Variants in PRELID2 observed in about 807,000 individuals in gnomAD.
The protein encoded by PRELID2 is PRELI domain containing 2.
Under a neutral mutation model 28.4 loss-of-function variants are expected in PRELID2, and 25 were observed. The observed-to-expected ratio is 0.88, with a 90% confidence interval of 0.64 to 1.23. The LOEUF is 1.23. PRELID2 is among the 50% of genes most tolerant of loss of function. The pLI, the probability that PRELID2 is intolerant of heterozygous loss-of-function variation, is 0.00. For missense variants in PRELID2, 201 were observed against 214.4 expected (o/e 0.94, Z 0.39); for synonymous variants, 76 against 71.6 (o/e 1.06, Z -0.31).
At position 145,545,450 on chromosome 5, in the gene PRELID2, C is replaced by CAAA. The variant is rs113856480; in HGVS notation, n.71-72138_71-72136dup. Reference sequence around the variant, plus strand: ...CATGTATATATGATGGAGTAGAAGGCAAAAAAAAAAACCCTAATTTTCAAA... The same window carrying CAAA: ...CATGTATATATGATGGAGTAGAAGGCAAAAAAAAAAAAAACCCTAATTTTCAAA... On this transcript the variant is annotated intron_variant and non_coding_transcript_variant, in intron 1 of 2. Coordinates refer to the PRELID2 transcript ENST00000510259. Among the ~76,000 whole-genome samples the CAAA allele has an allele frequency of 7.4e-3, 1,092 of 146,860 alleles. 13 individuals carry two copies. The highest frequency in any genetic ancestry group is 0.025 in the African/African-American group (992 of 40,300).
chr5:145,685,674 C>T (rs1755024991), intron 1 of PRELID2, among the ~76,000 whole-genome samples: 1 of 149,764 alleles, frequency 6.7e-6, no homozygotes, highest in African/African-American at 2.5e-5. Flanking sequence ...CAGAGAGAGA[C>T]AGAGAGACCA....
chr5:145,275,470 A>G, the PRELID2 span, among the ~76,000 whole-genome samples: 2 of 152,196 alleles, frequency 1.3e-5, no homozygotes, highest in South Asian at 4.1e-4. Flanking sequence ...AGAAAAGGAC[A>G]CGAGTGACCC....
chr5:145,494,663 T>C (rs1474120963), intron 1 of PRELID2, among the ~76,000 whole-genome samples: 1 of 152,184 alleles, frequency 6.6e-6, no homozygotes, highest in Admixed American at 6.5e-5. Context: ...ACATTTTAAG[T>C]ATATATTCTT....
downstream of PRELID2, among the ~76,000 whole-genome samples, chr5:145,756,210 G>A (rs1026124088): frequency 6.6e-6 from 1 of 152,166 alleles, no homozygotes; most frequent in Non-Finnish European, 1.5e-5. Flanking sequence ...AAGGCAGGGA[G>A]CTAACATCGT....
At chr5:145,821,152 GGTGTGTGT>G (rs70998038) in intron 2 of PRELID2, among the ~76,000 whole-genome samples, 6 of 88,264 alleles carry the variant, frequency 6.8e-5, no homozygotes, top group Non-Finnish European at 1.0e-4. Flanking sequence ...AACTCTCCTG[GGTGTGTGT>G]GTGTGTGTGT....
the PRELID2 span, among the ~76,000 whole-genome samples, chr5:145,446,583 G>C: frequency 6.6e-6 from 1 of 152,142 alleles, no homozygotes; most frequent in African/African-American, 2.4e-5. Flanking sequence ...ATGGTTTTCA[G>C]ATATAGTTTG....
chr5:145,563,442 G>T (rs1203517919), intron 1 of PRELID2, among the ~76,000 whole-genome samples: 1 of 152,158 alleles, frequency 6.6e-6, no homozygotes, highest in Non-Finnish European at 1.5e-5. Context: ...AAGCCATTTT[G>T]AACCATGTTT....
intron 1 of PRELID2, among the ~76,000 whole-genome samples, chr5:145,549,189 C>T (rs1333522113): frequency 6.6e-6 from 1 of 152,188 alleles, no homozygotes; most frequent in Non-Finnish European, 1.5e-5. Flanking sequence ...ACTGCTGTTG[C>T]TCATTAGGTG....
chr5:145,237,962 C>G, the PRELID2 span, among the ~76,000 whole-genome samples: 2 of 152,062 alleles, frequency 1.3e-5, no homozygotes, highest in Admixed American at 1.3e-4. Context: ...CCCCAACCCT[C>G]CAATCCTACT....
intron 1 of PRELID2, among the ~76,000 whole-genome samples, chr5:145,560,860 G>A (rs2126692524): frequency 6.6e-6 from 1 of 152,278 alleles, no homozygotes; most frequent in African/African-American, 2.4e-5. Flanking sequence ...CAATCCATCT[G>A]GGAGGGACCT....
At position 145,709,081 on chromosome 5, in the gene PRELID2, A is replaced by G. The variant is rs570693800; in HGVS notation, n.70+55850T>C. Among the ~76,000 whole-genome samples, 5 of 152,328 alleles carry G rather than the reference A, an allele frequency of 3.3e-5. No homozygotes were observed. In the South Asian group the frequency reaches 1.0e-3, roughly 32 times the overall value. ...GCTGACAGCCCTAGACCTGACTGCA[A>G]GACCACCTTGAGCAAAACTAGCATA... is the stretch of plus-strand genomic sequence containing the variant. On this transcript the variant is annotated intron_variant and non_coding_transcript_variant, in intron 1 of 2. Transcript: ENST00000510259.
At chr5:145,651,854 C>A (rs1051178403) in intron 1 of PRELID2, among the ~76,000 whole-genome samples, 3 of 152,252 alleles carry the variant, frequency 2.0e-5, no homozygotes, top group African/African-American at 7.2e-5. Flanking sequence ...TGCCTCTCCC[C>A]ATCCAAAGGA....
chr5:145,682,511 G>A (rs774078263), intron 1 of PRELID2, among the ~76,000 whole-genome samples: 5 of 152,100 alleles, frequency 3.3e-5, no homozygotes, highest in African/African-American at 7.2e-5. Context: ...CTGCCACTTC[G>A]CCCAGATGTA....
At chr5:145,784,684 G>A (rs1229491085) in intron 5 of PRELID2, among the ~76,000 whole-genome samples, 1 of 151,704 alleles carries the variant, frequency 6.6e-6, no homozygotes, top group Non-Finnish European at 1.5e-5. Context: ...ATATTATGCA[G>A]GCATCAAAAA....
the PRELID2 span, among the ~76,000 whole-genome samples, chr5:145,239,652 C>T: frequency 1.3e-5 from 2 of 151,922 alleles, no homozygotes; most frequent in East Asian, 3.9e-4. Context: ...ATGGAAATGC[C>T]ATTATTTAAA....
At chr5:145,641,643 T>A (rs889042457) in intron 1 of PRELID2, among the ~76,000 whole-genome samples, 4 of 152,136 alleles carry the variant, frequency 2.6e-5, no homozygotes, top group Non-Finnish European at 5.9e-5. Flanking sequence ...GTATTTCTTC[T>A]AATGCTATCC....
At chr5:145,740,002 A>G (rs1207727844) in intron 1 of PRELID2, among the ~76,000 whole-genome samples, 1 of 151,400 alleles carries the variant, frequency 6.6e-6, no homozygotes, top group Non-Finnish European at 1.5e-5. Context: ...ATTACATTAA[A>G]TGTAAATGGC....
the PRELID2 span, chr5:145,229,018 T>G: frequency 6.2e-7 from 1 of 1,602,408 alleles, no homozygotes; most frequent in African/African-American, 1.3e-5. Context: ...AGGGAGTTTG[T>G]GGAGGAGTTC....
At chr5:145,724,927 G>C (rs1756100760) in intron 1 of PRELID2, among the ~76,000 whole-genome samples, 1 of 151,004 alleles carries the variant, frequency 6.6e-6, no homozygotes, top group South Asian at 2.1e-4. Flanking sequence ...AATTTTTGTA[G>C]AAATGAGGTC....
Sources: gnomAD v4.1 joint callset for allele counts (sites outside exome capture counted in the v4.1 genomes callset) on GRCh38, gnomAD v4.1.1 for gene constraint, MANE v1.5 for transcripts, NCBI Gene and HGNC (gene_info 2026-07-23, HGNC 2026-07-21) for gene names.